C1R: variants seen among roughly 807,000 people sequenced by gnomAD.
C1R encodes complement C1r.
A neutral mutation model predicts 27.6 loss-of-function variants in C1R; 15 were observed. The ratio of observed to expected loss-of-function variants is 0.54; its 90% CI spans 0.36 to 0.84. The LOEUF is 0.84. Among genes scored for constraint, C1R ranks in the 40% least tolerant of loss-of-function variants. The pLI is 0.01. For missense variants in C1R, 544 were observed against 577.9 expected (o/e 0.94, Z 0.60); for synonymous variants, 253 against 228.8 (o/e 1.11, Z -0.95).
intron 9 of C1R, among the ~76,000 whole-genome samples, chr12:7,085,304 G>T (rs1335140719): frequency 1.4e-5 from 2 of 147,118 alleles, no homozygotes; most frequent in African/African-American, 5.0e-5. Context: ...AGTGGTGATG[G>T]TGGTGATGGT....
chr12:7,083,513 T>C (rs1038405821), intron 9 of C1R, among the ~76,000 whole-genome samples: 13 of 100,096 alleles, frequency 1.3e-4, no homozygotes, highest in African/African-American at 5.7e-4. Context: ...GGTGGTGATA[T>C]TGGTGTTGGT....
At chr12:7,081,441 C>T (rs1347590510) in intron 10 of C1R, 140 bp from the exon 11 acceptor site, 16 of 710,436 alleles carry the variant, frequency 2.3e-5, no homozygotes, top group Non-Finnish European at 2.7e-5. Context: ...CCCACACCTC[C>T]GTCATTGGCC....
chr12:7,088,176 C>T lies in C1R; in HGVS notation c.1038+434G>A, dbSNP rs560039260. Among the ~76,000 whole-genome samples, 93 of 152,272 alleles carry T rather than the reference C, an allele frequency of 6.1e-4. No individual in the cohort carries two copies. The South Asian group carries it at 0.019, about 31-fold the overall frequency. On this transcript the variant is annotated intron_variant, in intron 7 of 10. Transcript: ENST00000647956. The stretch of plus-strand genomic sequence containing the variant: ...CTGCCTTTTCAGTTCCTTCAGCTCT[C>T]TTGAGTTATTGGACTAGGGCAATAG...
Position 7,091,382 on chromosome 12 carries a change from AT to A in C1R, c.231+69del. The A allele has an allele frequency of 1.4e-6, 1 of 706,354 alleles. No homozygotes were observed. The highest frequency in any genetic ancestry group is 2.6e-6 in the Non-Finnish European group (1 of 382,518). The allele number at this position is 706,354 out of a possible 1,614,324, so 43.8% of individuals were successfully genotyped here. A position where few individuals can be genotyped will look rare whatever the true frequency, so the allele number is the denominator to read the frequency against. ...GGCTGGGCTGTGTCTGGGGGTGTGC[AT>A]GCCATACAGATCCCAGATCCCAGAG... On this transcript the variant is annotated intron_variant, in intron 2 of 10. Transcript: ENST00000647956. This position sits in a 1 kb window ranked among gnomAD's most constrained non-coding sequence, Gnocchi z 5.1.
intron 9 of C1R, among the ~76,000 whole-genome samples, chr12:7,083,410 G>A (rs1176293146): frequency 6.6e-6 from 1 of 152,228 alleles, no homozygotes; most frequent in Non-Finnish European, 1.5e-5. Flanking sequence ...TAATAGTGGT[G>A]GTGATAATGG....
chr12:7,080,331 C>G lies in C1R; in HGVS notation c.*201G>C, dbSNP rs1938030457. Reference sequence around the variant, plus strand: ...ATTGATAACTATATCCTCTGCAATCCTCAGAAGAAAGAAAGGGGCCCTTTG... The same window carrying G: ...ATTGATAACTATATCCTCTGCAATCGTCAGAAGAAAGAAAGGGGCCCTTTG... On this transcript the variant is annotated 3_prime_UTR_variant, in exon 11 of 11. Transcript: ENST00000647956. The surrounding 1 kb of genome is among the most constrained non-coding windows in gnomAD (Gnocchi z 4.9). 7.6e-7 allele frequency: 1 copy of G among 1,321,774 alleles called. No individual in the cohort carries two copies. Among genetic ancestry groups the G allele is most frequent in the Admixed American group, 3.4e-5 (1 of 29,028 alleles). The allele number at this position is 1,321,774 out of a possible 1,614,324, so 81.9% of individuals were successfully genotyped here. A position where few individuals can be genotyped will look rare whatever the true frequency, so the allele number is the denominator to read the frequency against.
At chr12:7,082,187 G>A in intron 9 of C1R, 81 bp from the exon 10 acceptor site, 1 of 785,552 alleles carries the variant, frequency 1.3e-6, no homozygotes, top group African/African-American at 1.7e-5. Flanking sequence ...AGTACTGAGT[G>A]TGCTTGATGG....
Position 7,090,084 on chromosome 12 carries a change from C to G in C1R, c.396G>C (p.Lys132Asn). The G allele has an allele frequency of 1.3e-6, 1 of 777,300 alleles. No individual in the cohort carries two copies. The highest frequency in any genetic ancestry group is 2.4e-6 in the Non-Finnish European group (1 of 416,448). The allele number at this position is 777,300 out of a possible 1,614,324, so 48.2% of individuals were successfully genotyped here. A position where few individuals can be genotyped will look rare whatever the true frequency, so the allele number is the denominator to read the frequency against. ...NEENGTIMFY[K>N]GFLAYYQAVD... Reference sequence around the variant, plus strand: ...CAGCTTGGTAGTAGGCCAGGAAGCCCTTGTAGAACATGATGGTCCCATTCT... The same window carrying G: ...CAGCTTGGTAGTAGGCCAGGAAGCCGTTGTAGAACATGATGGTCCCATTCT... Residue 132 changes from lysine to asparagine, a missense_variant, in exon 3 of 11, where the codon AAG (lysine) becomes AAC (asparagine). This residue lies in a region of C1R where 291 missense variants were observed against 209.0 expected (regional missense o/e 1.39). Transcript: ENST00000647956.
intron 9 of C1R, among the ~76,000 whole-genome samples, chr12:7,083,440 T>TAATGGTGATAGTGATGGTGGTGTTG: frequency 1.0e-4 from 1 of 9,994 alleles, no homozygotes; most frequent in Non-Finnish European, 1.5e-4. Context: ...TGGTGGTGTT[T>TAATGGTGATAGTGATGGTGGTGTTG]GTAATGGTGA....
At position 7,089,401 on chromosome 12, in the gene C1R, G is replaced by A. The variant is rs772395563; in HGVS notation, c.660C>T (p.Cys220=). 1 of 780,624 alleles carries A rather than the reference G, an allele frequency of 1.3e-6. No individual in the cohort carries two copies. The highest frequency in any genetic ancestry group is 1.3e-5 in the South Asian group (1 of 74,604). 48.4% of individuals were successfully genotyped at this position (780,624 alleles called of 1,614,324 possible). A position where few individuals can be genotyped will look rare whatever the true frequency, so the allele number is the denominator to read the frequency against. ...CCCGCTCCACCCGGATGCTGTAGTT[G>A]CAGCGCAGGTCAGGGGGGTAGGACC... ...YPRSYPPDLR[C]NYSIRVERGL... The change falls in exon 5 of 11, where the codon TGC becomes TGT. Residue 220 remains cysteine, a synonymous_variant. Coordinates refer to ENST00000647956, the MANE Select transcript of C1R (RefSeq NM_001733.7).
In C1R at chr12:7,091,279, A is replaced by C. The variant is rs1938267532; in HGVS notation, c.231+173T>G. ...GTGCTTCTCCCCTCAGTGCTCACCG[A>C]GGGCCTCTACACCAGTGAGCGCCCA... On this transcript the variant is annotated intron_variant, in intron 2 of 10. Transcript: ENST00000647956. The surrounding 1 kb of genome is among the most constrained non-coding windows in gnomAD (Gnocchi z 5.1). 1 of 603,818 alleles carries C rather than the reference A, an allele frequency of 1.7e-6. No homozygotes were observed. The highest frequency in any genetic ancestry group is 2.9e-6 in the Non-Finnish European group (1 of 343,052). 37.4% of individuals were successfully genotyped at this position (603,818 alleles called of 1,614,324 possible).
chr12:7,086,542 C>A (rs926388594), intron 7 of C1R, 85 bp from the exon 8 acceptor site: 22 of 396,842 alleles, frequency 5.5e-5, no homozygotes, highest in African/African-American at 4.3e-4. Flanking sequence ...GAGTGGGAGG[C>A]AATACCAAGA....
Position 7,082,060 on chromosome 12 carries a change from C to T in C1R, c.1320G>A (p.Lys440=). Residue 440 remains lysine, a synonymous_variant, in exon 10 of 11, where the codon AAG becomes AAA. Transcript: ENST00000647956. ...GCAAGCACCGAGGAATCTTCTCTCC[C>T]TTCTGTTCATTCTTCCAAATGCCCT... ...TAQGIWKNEQ[K]GEKIPRCLPV... 1 of 1,537,108 alleles carries T rather than the reference C, an allele frequency of 6.5e-7. No individual in the cohort carries two copies. The highest frequency in any genetic ancestry group is 1.2e-5 in the South Asian group (1 of 84,050).
At chr12:7,085,566 T>C (rs1273007648) in intron 9 of C1R, among the ~76,000 whole-genome samples, 1 of 151,932 alleles carries the variant, frequency 6.6e-6, no homozygotes, top group Admixed American at 6.6e-5. Context: ...TTACTGGTAG[T>C]GGTGGTGATG....
chr12:7,085,101 TGG>T (rs1369640030), intron 9 of C1R, among the ~76,000 whole-genome samples: 47 of 143,432 alleles, frequency 3.3e-4, no homozygotes, highest in African/African-American at 1.3e-3. Flanking sequence ...GGTGTTAGTG[TGG>T]TGGTGATGAT....
chr12:7,089,305 A>G lies in C1R; in HGVS notation c.756T>C (p.Tyr252=). ...IDDHQQVHCP[Y]DQLQIYANGK... ...AGGACGGCTGTACCTGTAGCTGGTC[A>G]TAGGGGCAGTGTACTTGCTGGTGGT... is the stretch of plus-strand genomic sequence containing the variant. Residue 252 remains tyrosine (Y), a synonymous_variant, in exon 5 of 11, where the codon TAT becomes TAC. Coordinates refer to ENST00000647956, the MANE Select transcript of C1R (RefSeq NM_001733.7). The G allele has an allele frequency of 2.6e-6, 2 of 780,386 alleles. No homozygotes were observed. The highest frequency in any genetic ancestry group is 2.7e-5 in the South Asian group (2 of 74,574). The allele number at this position is 780,386 out of a possible 1,614,324, so 48.3% of individuals were successfully genotyped here.
At position 7,088,526 on chromosome 12, in the gene C1R, G is replaced by A. The variant is rs373264588; in HGVS notation, c.1038+84C>T. ...AAACGTCTACGACTCCAGCTGGGGT[G>A]AGACTAAATCCTCTGTGAACCCACC... On this transcript the variant is annotated intron_variant, in intron 7 of 10. Coordinates refer to ENST00000647956, the MANE Select transcript of C1R (RefSeq NM_001733.7). 73 of 718,258 alleles carry A rather than the reference G, an allele frequency of 1.0e-4. No homozygotes were observed. The East Asian group carries it at 1.3e-3, about 13-fold the overall frequency. 44.5% of individuals were successfully genotyped at this position (718,258 alleles called of 1,614,324 possible).
intron 1 of C1R, 175 bp downstream of exon 1, chr12:7,092,212 T>C: frequency 1.5e-6 from 1 of 670,742 alleles, no homozygotes. Flanking sequence ...AAGTCTCCTC[T>C]GATCCCTAGG....
rs777077198 is a variant in C1R, at chr12:7,089,476, G to C, written c.585C>G (p.Ser195Arg). The change falls in exon 5 of 11, where the codon AGC (serine) becomes AGG (arginine). Residue 195 changes from serine (S) to arginine (R), a missense_variant. Physicochemically the swap from Ser to Arg is moderately radical, Grantham distance 110. Coordinates refer to ENST00000647956, the MANE Select transcript of C1R (RefSeq NM_001733.7). ...DRHSCQAECS[S>R]ELYTEASGYI... ...AGCCTGATGCCTCCGTGTACAGCTCGCTGCTGCACTCAGCTGTGAGAGCAG... is the reference window on the plus strand; with the variant it reads ...AGCCTGATGCCTCCGTGTACAGCTCCCTGCTGCACTCAGCTGTGAGAGCAG... The C allele has an allele frequency of 2.6e-6, 2 of 775,962 alleles. No homozygotes were observed. Among genetic ancestry groups the C allele is most frequent in the South Asian group, 2.7e-5 (2 of 74,250 alleles). 48.1% of individuals were successfully genotyped at this position (775,962 alleles called of 1,614,324 possible). A position where few individuals can be genotyped will look rare whatever the true frequency, so the allele number is the denominator to read the frequency against.
Sources: gnomAD v4.1 joint callset for allele counts (sites outside exome capture counted in the v4.1 genomes callset) on GRCh38, gnomAD v4.1.1 for gene constraint, gnomAD v4.1.1 regional missense constraint, Gnocchi (gnomAD v3.1) non-coding constraint, MANE v1.5 for transcripts, NCBI Gene and HGNC (gene_info 2026-07-23, HGNC 2026-07-21) for gene names.